Variants in ADORA2B observed in about 807,000 individuals in gnomAD.
ADORA2B encodes the protein adenosine A2b receptor.
A neutral mutation model predicts 20.8 loss-of-function variants in ADORA2B; 18 were observed. That is an observed-to-expected ratio of 0.87 (90% CI 0.60 to 1.29). The LOEUF (loss-of-function observed/expected upper bound fraction) is 1.29. Ranked by LOEUF, ADORA2B falls within the 50% of genes most tolerant of loss-of-function variation. The pLI is 0.00. For missense variants in ADORA2B, 441 were observed against 422.7 expected, an observed-to-expected ratio of 1.04 and a Z score of -0.38; for synonymous variants, 179 against 178.3, an observed-to-expected ratio of 1.00 and a Z score of -0.03.
chr17:15,859,974 C>T, the ADORA2B span, among the ~76,000 whole-genome samples: 3 of 152,124 alleles, frequency 2.0e-5, no homozygotes, highest in Admixed American at 6.5e-5. Context: ...AAATGAAATC[C>T]ACAGACAGCC....
At chr17:15,886,060 AC>A in the ADORA2B span, among the ~76,000 whole-genome samples, 1 of 152,172 alleles carries the variant, frequency 6.6e-6, no homozygotes, top group African/African-American at 2.4e-5. Flanking sequence ...AGCCATGGGA[AC>A]TCAACTGTGG....
At chr17:15,935,487 G>A in the ADORA2B span, among the ~76,000 whole-genome samples, 1 of 152,004 alleles carries the variant, frequency 6.6e-6, no homozygotes, top group Admixed American at 6.6e-5. Context: ...GATTCTCTTT[G>A]ACTTTAGCTT....
At chr17:15,939,536 CT>C in the ADORA2B span, among the ~76,000 whole-genome samples, 14 of 152,208 alleles carry the variant, frequency 9.2e-5, no homozygotes, top group South Asian at 2.9e-3. Context: ...CTGGGGGAGG[CT>C]GAAGAAGTTC....
the ADORA2B span, among the ~76,000 whole-genome samples, chr17:15,914,652 T>C: frequency 6.6e-6 from 1 of 152,234 alleles, no homozygotes; most frequent in Non-Finnish European, 1.5e-5. Context: ...TGACATTGAG[T>C]GCAGTTTCAG....
chr17:15,945,218 AGGGGGCGCCCG>A lies in ADORA2B; in HGVS notation c.-27_-17del, dbSNP rs1969783471. On this transcript the variant is annotated 5_prime_UTR_variant, in exon 1 of 2. Transcript: ENST00000304222. ...GCCCCTCGCCCGGCGCGCCTTCGGT[AGGGGGCGCCCG>A]GGGCCCAGCTGGCCCGGCCATGCTG... 7.3e-7 allele frequency: 1 copy of A among 1,378,704 alleles called. No homozygotes were observed. The highest frequency in any genetic ancestry group is 1.5e-5 in the African/African-American group (1 of 65,306). The allele number at this position is 1,378,704 out of a possible 1,614,324, so 85.4% of individuals were successfully genotyped here.
upstream of ADORA2B, among the ~76,000 whole-genome samples, chr17:15,942,840 C>T (rs2096200254): frequency 6.6e-6 from 1 of 152,200 alleles, no homozygotes; most frequent in Non-Finnish European, 1.5e-5. Context: ...CTTCACTCTC[C>T]TGGGCATGGC....
the ADORA2B span, among the ~76,000 whole-genome samples, chr17:15,915,512 A>C: frequency 9.8e-3 from 1,495 of 152,280 alleles, 9 homozygotes; most frequent in Non-Finnish European, 0.015. Context: ...AATCCATGGA[A>C]TCTTTCTGTA....
the ADORA2B span, among the ~76,000 whole-genome samples, chr17:15,889,327 G>A: frequency 0.19 from 23,816 of 128,580 alleles, 7,416 homozygotes; most frequent in African/African-American, 0.39. Context: ...CTGGCATATC[G>A]AAATCTTTTT....
intron 1 of ADORA2B, among the ~76,000 whole-genome samples, chr17:15,949,099 T>C (rs529729862): frequency 6.3e-4 from 95 of 151,708 alleles, no homozygotes; most frequent in African/African-American, 2.2e-3. Flanking sequence ...TCCCAGCTAC[T>C]TGAGAGGCTG....
chr17:15,906,452 A>G, the ADORA2B span, among the ~76,000 whole-genome samples: 3 of 152,228 alleles, frequency 2.0e-5, no homozygotes, highest in African/African-American at 7.2e-5. Flanking sequence ...TCCTGAGATG[A>G]ACCCCACTTG....
chr17:15,869,336 A>T, the ADORA2B span, among the ~76,000 whole-genome samples: 11,836 of 147,446 alleles, frequency 0.08, 1,277 homozygotes, highest in African/African-American at 0.25. Context: ...TAATAATAAT[A>T]ATAATTATTA....
the ADORA2B span, among the ~76,000 whole-genome samples, chr17:15,881,448 T>A: frequency 6.6e-6 from 1 of 152,228 alleles, no homozygotes; most frequent in South Asian, 2.1e-4. Context: ...GAATTTATCA[T>A]TTTAACTGTT....
chr17:15,878,507 C>T, the ADORA2B span, among the ~76,000 whole-genome samples: 1 of 152,130 alleles, frequency 6.6e-6, no homozygotes, highest in Non-Finnish European at 1.5e-5. Flanking sequence ...ATTTTTATGC[C>T]CTGGCATTTT....
At chr17:15,935,054 A>T in the ADORA2B span, among the ~76,000 whole-genome samples, 1 of 151,796 alleles carries the variant, frequency 6.6e-6, no homozygotes, top group Non-Finnish European at 1.5e-5. Context: ...CGATCCGCAC[A>T]CTCTGGCCTC....
chr17:15,951,328 G>A (rs1372255884), intron 1 of ADORA2B, among the ~76,000 whole-genome samples: 2 of 152,240 alleles, frequency 1.3e-5, no homozygotes, highest in Non-Finnish European at 2.9e-5. Flanking sequence ...CCAGGCTGAG[G>A]CCAGGGGCTG....
At chr17:15,947,618 T>G (rs776791887) in intron 1 of ADORA2B, among the ~76,000 whole-genome samples, 1 of 152,212 alleles carries the variant, frequency 6.6e-6, no homozygotes, top group Non-Finnish European at 1.5e-5. Context: ...CCCAGCTCCC[T>G]GCCCCAGAGT....
chr17:15,933,356 T>G, the ADORA2B span, among the ~76,000 whole-genome samples: 1 of 152,236 alleles, frequency 6.6e-6, no homozygotes, highest in Non-Finnish European at 1.5e-5. Flanking sequence ...TTTGAGAGAT[T>G]GCATTGAATA....
chr17:15,854,244 C>T, the ADORA2B span, among the ~76,000 whole-genome samples: 72,364 of 152,038 alleles, frequency 0.48, 19,725 homozygotes, highest in African/African-American at 0.76. Flanking sequence ...CGTGAGCCAC[C>T]GCGCCTGGCC....
the ADORA2B span, among the ~76,000 whole-genome samples, chr17:15,863,209 C>T: frequency 2.0e-5 from 3 of 152,252 alleles, no homozygotes; most frequent in African/African-American, 7.2e-5. Context: ...TAATATGCTT[C>T]TGATATTTTA....
Sources: gnomAD v4.1 joint callset for allele counts (sites outside exome capture counted in the v4.1 genomes callset) on GRCh38, gnomAD v4.1.1 for gene constraint, MANE v1.5 for transcripts, NCBI Gene and HGNC (gene_info 2026-07-23, HGNC 2026-07-21) for gene names.